The following HEATR5A variants were observed in gnomAD, a reference collection of about 807,000 sequenced individuals.
HEATR5A encodes the protein HEAT repeat-containing protein 5A.
Under a neutral mutation model 218.8 loss-of-function variants are expected in HEATR5A, and 178 were observed. The observed-to-expected ratio is 0.81, with a 90% CI of 0.72 to 0.92. The LOEUF (loss-of-function observed/expected upper bound fraction) is 0.92, where lower values mean the gene tolerates loss of function less well. HEATR5A is among the 40% of genes least tolerant of loss of function. The probability of loss-of-function intolerance (pLI) is 0.00; values close to 1 mark genes in which losing one functional copy is unlikely to be tolerated. For synonymous variants in HEATR5A, 864 were observed against 871.6 expected, an observed-to-expected ratio of 0.99 and a Z score of 0.15; for missense variants, 2,420 against 2,418.9, an observed-to-expected ratio of 1.00 and a Z score of -0.01.
chr14:31,350,541 C>T (rs753787789), intron 17 of HEATR5A, 71 bp downstream of exon 17: 37 of 817,402 alleles, frequency 4.5e-5, no homozygotes, highest in Admixed American at 1.0e-4. Context: ...CATCATCCTC[C>T]GACAAACTTC....
At chr14:31,381,680 G>A (rs968098809) in intron 10 of HEATR5A, among the ~76,000 whole-genome samples, 3 of 152,148 alleles carry the variant, frequency 2.0e-5, no homozygotes, top group Non-Finnish European at 4.4e-5. Flanking sequence ...CAGCCACTTG[G>A]GAGGCTGAGA....
intron 28 of HEATR5A, among the ~76,000 whole-genome samples, chr14:31,309,400 A>C (rs913647357): frequency 2.0e-5 from 3 of 152,186 alleles, no homozygotes; most frequent in Non-Finnish European, 2.9e-5. Flanking sequence ...TCACATATAC[A>C]TATGTACTTA....
chr14:31,381,922 A>C (rs1000847150), intron 10 of HEATR5A, among the ~76,000 whole-genome samples: 1 of 152,238 alleles, frequency 6.6e-6, no homozygotes, highest in African/African-American at 2.4e-5. Context: ...TCACCTCTGA[A>C]AAAGCAGGAA....
At chr14:31,392,346 A>G (rs1473562369) in intron 6 of HEATR5A, among the ~76,000 whole-genome samples, 3 of 152,042 alleles carry the variant, frequency 2.0e-5, no homozygotes, top group Non-Finnish European at 4.4e-5. Flanking sequence ...ATAAGACCAC[A>G]AGACATGCTC....
rs1191762542 is a variant in HEATR5A at position 31,326,088 on chromosome 14, C to T, written c.3547+75G>A. The T allele has an allele frequency of 4.4e-6, 5 of 1,124,722 alleles. No homozygotes were observed. The Admixed American group carries it at 5.6e-5, about 13-fold the overall frequency. 69.7% of individuals were successfully genotyped at this position (1,124,722 alleles called of 1,614,324 possible). A position where few individuals can be genotyped will look rare whatever the true frequency, so the allele number is the denominator to read the frequency against. ...GCTAGTTAGACAAGACTGATGAATT[C>T]TCAGTGGTAAACAATTTTATGTAAA... is the stretch of plus-strand genomic sequence containing the variant. On this transcript the variant is annotated intron_variant, in intron 23 of 35. Transcript: ENST00000543095.
At position 31,315,940 on chromosome 14, in the gene HEATR5A, C is replaced by T. The variant is rs1274098524; in HGVS notation, c.4048G>A (p.Ala1350Thr). ...CTTACAACTCCACTTGCTATCCAGG[C>T]ACTGCAAACCTAGTTTTCAAGAAAT... ...VTAKACQVCS[A>T]WIASGVVSDL... is the part of the protein sequence containing the mutation. The change falls in exon 27 of 36, where the codon GCC becomes ACC. Residue 1350 changes from alanine to threonine, a missense_variant. Coordinates refer to ENST00000543095, the MANE Select transcript of HEATR5A (RefSeq NM_015473.4). The T allele has an allele frequency of 4.5e-6, 7 of 1,539,916 alleles. No homozygotes were observed. Among genetic ancestry groups the T allele is most frequent in the Non-Finnish European group, 6.1e-6 (7 of 1,143,314 alleles).
rs754388835 is a variant in HEATR5A, at chr14:31,304,986, T to C, written c.5158A>G (p.Ile1720Val). The C allele has an allele frequency of 6.2e-7, 1 of 1,614,004 alleles. No individual in the cohort carries two copies. The highest frequency in any genetic ancestry group is 1.1e-5 in the South Asian group (1 of 91,084). The change falls in exon 32 of 36, where the codon ATA (isoleucine) becomes GTA (valine). Residue 1720 changes from isoleucine (I) to valine (V), a missense_variant. Coordinates refer to ENST00000543095, the MANE Select transcript of HEATR5A (RefSeq NM_015473.4). ...AATCTACTTCCATCTTCTAATAGTA[T>C]CTGTGGCTTCGTAGCTTTTACTCCT... ...SPGVKATKPQ[I>V]LLEDGSRLVS... is the part of the protein sequence containing the mutation.
At chr14:31,324,380 A>C (rs1900199243) in intron 23 of HEATR5A, among the ~76,000 whole-genome samples, 1 of 152,246 alleles carries the variant, frequency 6.6e-6, no homozygotes. Context: ...TACACTTACA[A>C]ACTGTTTAAC....
intron 9 of HEATR5A, among the ~76,000 whole-genome samples, chr14:31,385,853 G>A (rs1169596073): frequency 6.6e-6 from 1 of 151,802 alleles, no homozygotes; most frequent in Non-Finnish European, 1.5e-5. Context: ...TCAGCCTCCC[G>A]AGTAGCTGGG....
chr14:31,367,569 ATTT>A (rs567217496), intron 13 of HEATR5A, among the ~76,000 whole-genome samples: 2 of 60,316 alleles, frequency 3.3e-5, no homozygotes, highest in South Asian at 1.0e-3. Context: ...TGCCCAGCTA[ATTT>A]TTTTTTTTTT....
chr14:31,320,273 A>T (rs1023508519), intron 25 of HEATR5A: 5 of 711,860 alleles, frequency 7.0e-6, no homozygotes, highest in Non-Finnish European at 1.3e-5. Flanking sequence ...GAAGAGCCCC[A>T]TGGCCTCAGA....
Position 31,383,574 on chromosome 14 carries a change from A to G in HEATR5A, c.1543T>C (p.Leu515=), listed in dbSNP as rs772221899. The change falls in exon 10 of 36, where the codon TTG becomes CTG. Residue 515 remains leucine, a synonymous_variant. Coordinates refer to ENST00000543095, the MANE Select transcript of HEATR5A (RefSeq NM_015473.4). ...VTGFSFAVAA[L]LGAVKHCPLG... ...GGACAATGTTTTACTGCTCCCAACAAAGCTGCTACAGCAAAACTGAAGCCA... is the reference window on the plus strand; with the variant it reads ...GGACAATGTTTTACTGCTCCCAACAGAGCTGCTACAGCAAAACTGAAGCCA... The G allele has an allele frequency of 6.2e-7, 1 of 1,613,926 alleles. No individual in the cohort carries two copies. The highest frequency in any genetic ancestry group is 8.5e-7 in the Non-Finnish European group (1 of 1,179,822).
chr14:31,418,248 A>C (rs1311279749), intron 1 of HEATR5A, among the ~76,000 whole-genome samples: 1 of 152,064 alleles, frequency 6.6e-6, no homozygotes, highest in African/African-American at 2.4e-5. Flanking sequence ...AAGAATTAAA[A>C]CTGAATTTAA....
Position 31,321,479 on chromosome 14 carries a change from C to T in HEATR5A, c.3969+20G>A. ...TATCTGTGTGTTTAATAATAAAATT[C>T]TCTAAAAGAAAGTGCTTACATTGGC... is the stretch of plus-strand genomic sequence containing the variant. On this transcript the variant is annotated intron_variant, in intron 25 of 35. Transcript: ENST00000543095. 1 of 1,541,496 alleles carries T rather than the reference C, an allele frequency of 6.5e-7. No individual in the cohort carries two copies. The highest frequency in any genetic ancestry group is 1.4e-5 in the African/African-American group (1 of 72,738).
rs1473918028 is a variant in HEATR5A, at chr14:31,295,893, G to C, written c.5619+16C>G. 6.2e-7 allele frequency: 1 copy of C among 1,610,064 alleles called. No individual in the cohort carries two copies. Among genetic ancestry groups the C allele is most frequent in the East Asian group, 2.2e-5 (1 of 44,780 alleles). ...ATTGTCCTATTACATACATCTTTCT[G>C]CTAAAAGACACTTACCACAGGATCT... On this transcript the variant is annotated intron_variant, in intron 34 of 35. Transcript: ENST00000543095.
intron 13 of HEATR5A, among the ~76,000 whole-genome samples, chr14:31,368,827 A>C (rs982885467): frequency 9.9e-5 from 15 of 152,016 alleles, no homozygotes; most frequent in Non-Finnish European, 2.1e-4. Context: ...CTCCCAAAGC[A>C]CTAGGATTAC....
At chr14:31,344,265 A>ATTATTTTTTTT (rs1245011736) in intron 20 of HEATR5A, among the ~76,000 whole-genome samples, 200 bp from the exon 21 acceptor site, 2 of 54,918 alleles carry the variant, frequency 3.6e-5, no homozygotes, top group Non-Finnish European at 9.3e-5. Context: ...TAGATTAGTT[A>ATTATTTTTTTT]TTCTTTTTTT....
chr14:31,308,507 A>T (rs1021603883), intron 29 of HEATR5A, among the ~76,000 whole-genome samples: 5 of 15,952 alleles, frequency 3.1e-4, no homozygotes, highest in African/African-American at 6.2e-4. Flanking sequence ...AACTCTGTCT[A>T]AAAAAAAAAA....
At chr14:31,396,935 T>A (rs550548600) in intron 4 of HEATR5A, among the ~76,000 whole-genome samples, 1 of 152,196 alleles carries the variant, frequency 6.6e-6, no homozygotes, top group African/African-American at 2.4e-5. Context: ...CCAGTGGAAT[T>A]AGGAGGAAGA....
Sources: gnomAD v4.1 joint callset for allele counts (sites outside exome capture counted in the v4.1 genomes callset) on GRCh38, gnomAD v4.1.1 for gene constraint, MANE v1.5 for transcripts, NCBI Gene and HGNC (gene_info 2026-07-23, HGNC 2026-07-21) for gene names.